Variants in LAMA5 observed in about 807,000 individuals in gnomAD.
The protein encoded by LAMA5 is laminin subunit alpha 5, also known as laminin subunit alpha-5.
LAMA5 carries 260 observed loss-of-function variants against 433.4 expected under a neutral mutation model. The observed-to-expected ratio is 0.60, with a 90% CI of 0.54 to 0.66. The LOEUF (loss-of-function observed/expected upper bound fraction) is 0.66. Ranked by LOEUF, LAMA5 falls within the 30% of genes least tolerant of loss-of-function variation. The pLI is 0.00. For missense variants in LAMA5, 5,378 were observed against 5,258.5 expected (o/e 1.02, Z -0.70); for synonymous variants, 2,620 against 2,226.6 (o/e 1.18, Z -4.97).
In LAMA5 at chr20:62,351,923, T is replaced by A; in HGVS notation, c.844A>T (p.Thr282Ser). ...HLMGKALRDP[T>S]VTRRYYYSIK... ...GGGCAGCTCACCCGGCGGGTGACCGTGGGGTCCCGCAGCGCCTTCCCCATG... is the reference window on the plus strand; with the variant it reads ...GGGCAGCTCACCCGGCGGGTGACCGAGGGGTCCCGCAGCGCCTTCCCCATG... The change falls in exon 5 of 80, where the codon ACG becomes TCG. Residue 282 changes from threonine (T) to serine (S), a missense_variant. By Grantham distance (58) the Thr-to-Ser change is moderately conservative. Coordinates refer to ENST00000252999, the MANE Select transcript of LAMA5 (RefSeq NM_005560.6). 1.2e-6 allele frequency: 2 copies of A among 1,606,904 alleles called. No individual in the cohort carries two copies. The highest frequency in any genetic ancestry group is 8.5e-7 in the Non-Finnish European group (1 of 1,177,634).
Position 62,324,108 on chromosome 20 carries a change from G to A in LAMA5, c.5740C>T (p.Pro1914Ser). Residue 1914 changes from proline (P) to serine (S), a missense_variant, in exon 43 of 80, where the codon CCC becomes TCC. Coordinates refer to ENST00000252999, the MANE Select transcript of LAMA5 (RefSeq NM_005560.6). This position sits in a 1 kb window ranked among gnomAD's most constrained non-coding sequence, Gnocchi z 4.4. ...DDPSAPCVSC[P>S]CPLSVPSNNF... ...TTGGAAGGCACTGAGAGGGGGCAGG[G>A]GCAGCTGACACAGGGGGCGCTGGGG... The A allele has an allele frequency of 6.6e-7, 1 of 1,518,900 alleles. No individual in the cohort carries two copies. Among genetic ancestry groups the A allele is most frequent in the Non-Finnish European group, 8.8e-7 (1 of 1,136,144 alleles). 94.1% of individuals were successfully genotyped at this position (1,518,900 alleles called of 1,614,324 possible). A position where few individuals can be genotyped will look rare whatever the true frequency, so the allele number is the denominator to read the frequency against.
chr20:62,346,269 G>T, intron 9 of LAMA5, 54 bp from the exon 10 acceptor site: 1 of 1,571,488 alleles, frequency 6.4e-7, no homozygotes, highest in Middle Eastern at 1.7e-4. Flanking sequence ...TCAAGGGGTG[G>T]GCTCCAAGAT....
chr20:62,319,843 G>C (rs561076848), intron 50 of LAMA5, 48 bp from the exon 51 acceptor site: 65 of 1,448,190 alleles, frequency 4.5e-5, no homozygotes, highest in Middle Eastern at 3.9e-4. Context: ...GGCGAGGGTC[G>C]GGGTGGCAAG....
intron 40 of LAMA5, among the ~76,000 whole-genome samples, chr20:62,325,875 G>A (rs925232255): frequency 6.6e-6 from 1 of 152,184 alleles, no homozygotes; most frequent in Non-Finnish European, 1.5e-5. Flanking sequence ...AACGCTTGCT[G>A]CCAAGGAAAA....
At chr20:62,351,625 T>TTAGGCAGGGGTGACAAGGA (rs1466532645) in intron 6 of LAMA5, 79 bp downstream of exon 6, 1 of 1,406,282 alleles carries the variant, frequency 7.1e-7, no homozygotes, top group Non-Finnish European at 9.9e-7. Flanking sequence ...CACCCTCAGG[T>TTAGGCAGGGGTGACAAGGA]TAGGCAGGGG....
chr20:62,357,479 G>A (rs1985412780), intron 2 of LAMA5, among the ~76,000 whole-genome samples: 3 of 152,148 alleles, frequency 2.0e-5, no homozygotes, highest in African/African-American at 2.4e-5. Context: ...ATCTGGAAAC[G>A]TAGATAAGCC....
At chr20:62,323,932 G>A (rs914680533) in intron 43 of LAMA5, 76 bp from the exon 44 acceptor site, 4 of 1,478,082 alleles carry the variant, frequency 2.7e-6, no homozygotes, top group Non-Finnish European at 3.7e-6. Context: ...TGCTCCGGCT[G>A]GAACACACGC....
At position 62,337,579 on chromosome 20, in the gene LAMA5, T is replaced by C. The variant is rs770165276; in HGVS notation, c.2164+11A>G. 7 of 1,593,532 alleles carry C rather than the reference T, an allele frequency of 4.4e-6. No homozygotes were observed. The highest frequency in any genetic ancestry group is 6.0e-6 in the Non-Finnish European group (7 of 1,171,170). ...CCGGCACCTGGTGCACACAGCCACC[T>C]GCCTGCTCACCTTCGCAGTAGGGGA... On this transcript the variant is annotated intron_variant, in intron 16 of 79. Coordinates refer to ENST00000252999, the MANE Select transcript of LAMA5 (RefSeq NM_005560.6).
chr20:62,315,143 G>A lies in LAMA5; in HGVS notation c.7932C>T (p.Thr2644=), dbSNP rs1201155142. Residue 2644 remains threonine (T), a synonymous_variant, in exon 59 of 80, where the codon ACC becomes ACT. Transcript: ENST00000252999. ...AVAAEAQDTA[T]RVQSQLQAMQ... ...TGGCCTGCAGCTGGGACTGCACACG[G>A]GTGGCGGTGTCCTGGGCTTCAGCAG... is the stretch of plus-strand genomic sequence containing the variant. 1 of 1,610,572 alleles carries A rather than the reference G, an allele frequency of 6.2e-7. No individual in the cohort carries two copies. Among genetic ancestry groups the A allele is most frequent in the Non-Finnish European group, 8.5e-7 (1 of 1,179,780 alleles).
intron 32 of LAMA5, among the ~76,000 whole-genome samples, chr20:62,329,510 C>T (rs535549902): frequency 5.9e-5 from 9 of 152,354 alleles, no homozygotes; most frequent in East Asian, 3.9e-4. Context: ...CTGCTGGCCA[C>T]GCCTTCCTCT....
intron 2 of LAMA5, among the ~76,000 whole-genome samples, chr20:62,353,525 C>T (rs943714411): frequency 3.9e-5 from 6 of 152,310 alleles, no homozygotes; most frequent in Middle Eastern, 3.4e-3. Flanking sequence ...CCTTCCCTGC[C>T]GCAGGAGTTT....
intron 2 of LAMA5, among the ~76,000 whole-genome samples, chr20:62,357,387 C>T (rs1025181414): frequency 2.0e-5 from 3 of 152,220 alleles, no homozygotes; most frequent in Admixed American, 2.0e-4. Context: ...CACCGGGGCA[C>T]CCAGCCCCCT....
In LAMA5 at chr20:62,320,638, TGGCGGG is replaced by T. The variant is rs1462344904; in HGVS notation, c.6674_6679del (p.Pro2225_Arg2226del). On this transcript the variant is annotated inframe_deletion, in exon 50 of 80. Transcript: ENST00000252999. Reference sequence around the variant, plus strand: ...CACCTCCAGCTGCTGTGCCGTCTCATGGCGGGGGCCCAGGGGGCTCCGGAGCTGGCT... The same window carrying T: ...CACCTCCAGCTGCTGTGCCGTCTCATGGCCCAGGGGGCTCCGGAGCTGGCT... 5.0e-6 allele frequency: 8 copies of T among 1,609,394 alleles called. No homozygotes were observed. The highest frequency in any genetic ancestry group is 5.1e-6 in the Non-Finnish European group (6 of 1,178,884).
rs767978368 is a variant in LAMA5, at chr20:62,318,600, C to T, written c.7093G>A (p.Ala2365Thr). The change falls in exon 53 of 80, where the codon GCA becomes ACA. Residue 2365 changes from alanine (A) to threonine (T), a missense_variant. Coordinates refer to ENST00000252999, the MANE Select transcript of LAMA5 (RefSeq NM_005560.6). ...QLSSLWEENQ[A>T]LATQTRDRLA... ...CGGTCGCGGGTTTGTGTGGCCAGTGCCTGGTTCTCCTCCCAGAGGCTGCTC... is the reference window on the plus strand; with the variant it reads ...CGGTCGCGGGTTTGTGTGGCCAGTGTCTGGTTCTCCTCCCAGAGGCTGCTC... 1.5e-5 allele frequency: 24 copies of T among 1,610,752 alleles called. No homozygotes were observed. The highest frequency in any genetic ancestry group is 2.0e-5 in the Non-Finnish European group (23 of 1,179,072).
At position 62,312,910 on chromosome 20, in the gene LAMA5, G is replaced by C. The variant is rs1370431708; in HGVS notation, c.9056C>G (p.Pro3019Arg). The C allele has an allele frequency of 2.5e-6, 4 of 1,584,266 alleles. No homozygotes were observed. The African/African-American group carries it at 5.4e-5, about 21-fold the overall frequency. ...TACCGCCTTGCTGGCCGAGGTCAGG[G>C]GCGGTGGGGGCTGCAGTGGGACGGC... ...KKAVPLQPPP[P>R]LTSASKAIQV... Residue 3019 changes from proline (P) to arginine (R), a missense_variant, in exon 66 of 80, where the codon CCC (proline) becomes CGC (arginine). Physicochemically the swap from Pro to Arg is moderately radical, Grantham distance 103. Coordinates refer to ENST00000252999, the MANE Select transcript of LAMA5 (RefSeq NM_005560.6).
intron 41 of LAMA5, 49 bp downstream of exon 41, chr20:62,325,267 G>T (rs775729056): frequency 1.6e-6 from 2 of 1,214,164 alleles, no homozygotes; most frequent in Non-Finnish European, 2.3e-6. Flanking sequence ...TGGAGGGAAG[G>T]GTGTGCACAG....
intron 6 of LAMA5, among the ~76,000 whole-genome samples, chr20:62,347,679 G>A (rs991856698): frequency 6.6e-6 from 1 of 152,200 alleles, no homozygotes; most frequent in Non-Finnish European, 1.5e-5. Flanking sequence ...GAGAGACAAG[G>A]CCTGAGGTTG....
At chr20:62,321,712 G>GC (rs1448325266) in intron 48 of LAMA5, among the ~76,000 whole-genome samples, 2 of 114,986 alleles carry the variant, frequency 1.7e-5, no homozygotes, top group African/African-American at 6.4e-5. Flanking sequence ...GGCAGGGCCA[G>GC]CAGAGGGGTG....
intron 52 of LAMA5, 34 bp from the exon 53 acceptor site, chr20:62,318,684 G>A (rs1196821451): frequency 6.2e-7 from 1 of 1,601,622 alleles, no homozygotes; most frequent in African/African-American, 1.3e-5. Context: ...GGTCACTCTG[G>A]AAGCCAGGCC....
Sources: gnomAD v4.1 joint callset for allele counts (sites outside exome capture counted in the v4.1 genomes callset) on GRCh38, gnomAD v4.1.1 for gene constraint, Gnocchi (gnomAD v3.1) non-coding constraint, MANE v1.5 for transcripts, NCBI Gene and HGNC (gene_info 2026-07-23, HGNC 2026-07-21) for gene names.